The following PARD3 variants were observed in gnomAD, a reference collection of about 807,000 sequenced individuals.
PARD3 encodes partitioning defective 3 homolog.
A neutral mutation model predicts 155.4 loss-of-function variants in PARD3; 75 were observed. The ratio of observed to expected loss-of-function variants is 0.48; its 90% CI spans 0.40 to 0.58. PARD3 has a LOEUF of 0.58. Among genes scored for constraint, PARD3 ranks in the 20% least tolerant of loss-of-function variants. The probability of loss-of-function intolerance (pLI) is 0.00; values close to 1 mark genes in which losing one functional copy is unlikely to be tolerated. For missense variants in PARD3, 1,642 were observed against 1,721.7 expected (o/e 0.95, Z 0.82); for synonymous variants, 576 against 610.5 (o/e 0.94, Z 0.83).
chr10:34,748,476 C>CA (rs751222633), intron 1 of PARD3, among the ~76,000 whole-genome samples: 12 of 151,664 alleles, frequency 7.9e-5, no homozygotes, highest in Non-Finnish European at 1.5e-4. Flanking sequence ...GACTCTGTCT[C>CA]AAAAAAAGAA....
At chr10:34,613,215 C>T (rs1330245062) in intron 2 of PARD3, among the ~76,000 whole-genome samples, 1 of 152,244 alleles carries the variant, frequency 6.6e-6, no homozygotes, top group East Asian at 1.9e-4. Context: ...TAAAACATAG[C>T]AAAGTGAACA....
At chr10:34,716,689 T>G (rs1287812992) in intron 1 of PARD3, among the ~76,000 whole-genome samples, 1 of 148,136 alleles carries the variant, frequency 6.8e-6, no homozygotes, top group African/African-American at 2.5e-5. Flanking sequence ...GCCTCCTGGG[T>G]TCAAGCGATT....
At chr10:34,641,159 C>T (rs986030701) in intron 2 of PARD3, among the ~76,000 whole-genome samples, 1 of 152,120 alleles carries the variant, frequency 6.6e-6, no homozygotes, top group Admixed American at 6.6e-5. Context: ...CTACAGCTTT[C>T]TATGATGTGA....
chr10:34,645,186 TTTTTA>T (rs1274603026), intron 2 of PARD3, among the ~76,000 whole-genome samples: 4 of 115,480 alleles, frequency 3.5e-5, no homozygotes, highest in Non-Finnish European at 7.6e-5. Flanking sequence ...TTTTATTTTA[TTTTTA>T]TTTTATTTTG....
At chr10:34,188,077 A>C (rs1950561234) in intron 22 of PARD3, among the ~76,000 whole-genome samples, 1 of 152,192 alleles carries the variant, frequency 6.6e-6, no homozygotes, top group South Asian at 2.1e-4. Flanking sequence ...ATGTGTTAGA[A>C]TTATCTTCTG....
chr10:34,783,604 C>CAAAAAAAA (rs35411933), intron 1 of PARD3, among the ~76,000 whole-genome samples: 1 of 76,248 alleles, frequency 1.3e-5, no homozygotes, highest in Non-Finnish European at 2.4e-5. Flanking sequence ...ACTCCGTCTT[C>CAAAAAAAA]AAAAAAAAAA....
chr10:34,497,632 C>T (rs546056925), intron 3 of PARD3, among the ~76,000 whole-genome samples: 1 of 152,258 alleles, frequency 6.6e-6, no homozygotes, highest in South Asian at 2.1e-4. Flanking sequence ...GTTGTGCTGA[C>T]TTTATACAAC....
rs865950342 is a variant in PARD3, at chr10:34,500,596, C to T, written c.403+16383G>A. Reference sequence around the variant, plus strand: ...ATCTCTACAAAAATACAAAAATTAGCTGGGTGTGGTGGCTCATGCCTGTAA... The same window carrying T: ...ATCTCTACAAAAATACAAAAATTAGTTGGGTGTGGTGGCTCATGCCTGTAA... On this transcript the variant is annotated intron_variant, in intron 3 of 24. Transcript: ENST00000374788. Among the ~76,000 whole-genome samples the T allele has an allele frequency of 4.8e-4, 73 of 152,060 alleles. 1 individual carries two copies. Among genetic ancestry groups the T allele is most frequent in the Admixed American group, 1.1e-3 (17 of 15,264 alleles).
chr10:34,775,013 G>A (rs555421726), intron 1 of PARD3, among the ~76,000 whole-genome samples: 5 of 152,156 alleles, frequency 3.3e-5, no homozygotes, highest in Non-Finnish European at 5.9e-5. Context: ...TGAAGTCACC[G>A]CTGTGAAAAC....
At chr10:34,168,589 C>T (rs1056211005) in intron 22 of PARD3, among the ~76,000 whole-genome samples, 1 of 152,066 alleles carries the variant, frequency 6.6e-6, no homozygotes, top group African/African-American at 2.4e-5. Context: ...ATTGGGAGGG[C>T]GAGGAGCTGC....
At chr10:34,128,457 A>G (rs1414968674) in intron 23 of PARD3, among the ~76,000 whole-genome samples, 1 of 152,246 alleles carries the variant, frequency 6.6e-6, no homozygotes, top group Non-Finnish European at 1.5e-5. Context: ...AATACATAAA[A>G]TGTACAGAGT....
At chr10:34,470,520 T>C (rs900060179) in intron 3 of PARD3, among the ~76,000 whole-genome samples, 15 of 152,220 alleles carry the variant, frequency 9.9e-5, no homozygotes, top group African/African-American at 2.9e-4. Flanking sequence ...GTTATCTATG[T>C]GGCCCTGGCC....
At chr10:34,601,206 G>A (rs900748067) in intron 2 of PARD3, among the ~76,000 whole-genome samples, 2 of 149,868 alleles carry the variant, frequency 1.3e-5, no homozygotes, top group African/African-American at 4.9e-5. Context: ...GAAGGATCAC[G>A]CCTGAGGGCC....
In PARD3 at chr10:34,682,090, C is replaced by T. The variant is rs190353650; in HGVS notation, c.222+14228G>A. Among the ~76,000 whole-genome samples the T allele has an allele frequency of 7.5e-4, 114 of 152,168 alleles. 1 individual carries two copies. In the East Asian group the frequency reaches 0.014, roughly 19 times the overall value. On this transcript the variant is annotated intron_variant, in intron 2 of 24. Transcript: ENST00000374788. The stretch of plus-strand genomic sequence containing the variant: ...AAATGCAACTGCAGTGTCATCTCAA[C>T]CTCAAGTTCCCAGCAGCCAAGAGAT...
chr10:34,167,585 A>G, intron 22 of PARD3, among the ~76,000 whole-genome samples: 1 of 88,570 alleles, frequency 1.1e-5, no homozygotes, highest in Admixed American at 1.1e-4. Context: ...AAATGGCAAA[A>G]GGTAATATTT....
At chr10:34,318,824 G>A (rs1958182307) in intron 19 of PARD3, among the ~76,000 whole-genome samples, 1 of 152,012 alleles carries the variant, frequency 6.6e-6, no homozygotes, top group Admixed American at 6.5e-5. Flanking sequence ...GGAGTGCAGT[G>A]GTGTGATCTC....
At chr10:34,539,960 C>T (rs1250774862) in intron 2 of PARD3, among the ~76,000 whole-genome samples, 1 of 152,170 alleles carries the variant, frequency 6.6e-6, no homozygotes, top group Non-Finnish European at 1.5e-5. Context: ...CTCTTGAAAC[C>T]ATACGCGACT....
intron 10 of PARD3, among the ~76,000 whole-genome samples, chr10:34,376,714 G>A (rs1434514501): frequency 6.6e-6 from 1 of 151,962 alleles, no homozygotes; most frequent in African/African-American, 2.4e-5. Context: ...AAATACAGAC[G>A]GTATCCCTCT....
intron 1 of PARD3, among the ~76,000 whole-genome samples, chr10:34,719,757 T>C (rs1229691646): frequency 6.6e-6 from 1 of 152,244 alleles, no homozygotes; most frequent in Non-Finnish European, 1.5e-5. Context: ...AGTTCAAGAC[T>C]TTCAACTTTC....
Sources: gnomAD v4.1 joint callset for allele counts (sites outside exome capture counted in the v4.1 genomes callset) on GRCh38, gnomAD v4.1.1 for gene constraint, MANE v1.5 for transcripts, NCBI Gene and HGNC (gene_info 2026-07-23, HGNC 2026-07-21) for gene names.